NEGR1: variants seen among roughly 807,000 people sequenced by gnomAD.
NEGR1 encodes neuronal growth regulator 1.
Under a neutral mutation model 40.9 loss-of-function variants are expected in NEGR1, and 10 were observed. The observed-to-expected ratio is 0.24, with a 90% CI of 0.15 to 0.42. The LOEUF (loss-of-function observed/expected upper bound fraction) is 0.42, where lower values mean the gene tolerates loss of function less well. Among genes scored for constraint, NEGR1 ranks in the 10% least tolerant of loss-of-function variants. NEGR1 has a pLI of 1.00. For synonymous variants in NEGR1, 185 were observed against 166.8 expected, an observed-to-expected ratio of 1.11 and a Z score of -0.84; for missense variants, 352 against 438.9, an observed-to-expected ratio of 0.80 and a Z score of 1.77.
intron 4 of NEGR1, among the ~76,000 whole-genome samples, chr1:71,633,210 A>G (rs1478186419): frequency 6.6e-6 from 1 of 152,066 alleles, no homozygotes; most frequent in African/African-American, 2.4e-5. Context: ...TGAGCTACAC[A>G]CATTCATAAC....
At chr1:71,730,911 TG>T in intron 3 of NEGR1, among the ~76,000 whole-genome samples, 1 of 150,850 alleles carries the variant, frequency 6.6e-6, no homozygotes, top group East Asian at 1.9e-4. Flanking sequence ...TGTGTGTGTG[TG>T]TGTGTGTGTG....
At chr1:71,909,621 T>C (rs1226277229) in intron 2 of NEGR1, among the ~76,000 whole-genome samples, 1 of 152,162 alleles carries the variant, frequency 6.6e-6, no homozygotes, top group African/African-American at 2.4e-5. Flanking sequence ...GAGTAATGAA[T>C]TGTCAGTTTT....
chr1:71,481,691 C>A (rs1467504493), intron 6 of NEGR1, among the ~76,000 whole-genome samples: 3 of 151,848 alleles, frequency 2.0e-5, no homozygotes, highest in Non-Finnish European at 2.9e-5. Flanking sequence ...TTTTTGTTAA[C>A]AGATGATATA....
At chr1:71,708,370 T>A (rs1653973129) in intron 3 of NEGR1, among the ~76,000 whole-genome samples, 3 of 151,862 alleles carry the variant, frequency 2.0e-5, no homozygotes, top group Admixed American at 6.6e-5. Flanking sequence ...TTTGGCATAC[T>A]GAAAAATACA....
At chr1:71,806,080 T>C (rs1447595890) in intron 2 of NEGR1, among the ~76,000 whole-genome samples, 1 of 152,072 alleles carries the variant, frequency 6.6e-6, no homozygotes, top group African/African-American at 2.4e-5. Context: ...GGGCAATAAA[T>C]ACAAAAATAC....
intron 1 of NEGR1, among the ~76,000 whole-genome samples, chr1:72,181,116 A>T (rs1312813232): frequency 1.3e-5 from 2 of 152,110 alleles, no homozygotes; most frequent in Non-Finnish European, 2.9e-5. Context: ...ATTGGCCTTT[A>T]AGGTTTTAGA....
intron 1 of NEGR1, among the ~76,000 whole-genome samples, chr1:72,185,298 T>C (rs1338601037): frequency 6.6e-6 from 1 of 151,986 alleles, no homozygotes; most frequent in Non-Finnish European, 1.5e-5. Context: ...GCAGTCTTTC[T>C]GTTAGTTATA....
intron 2 of NEGR1, among the ~76,000 whole-genome samples, chr1:71,825,478 T>C (rs972506706): frequency 1.3e-5 from 2 of 151,964 alleles, no homozygotes; most frequent in African/African-American, 4.8e-5. Flanking sequence ...CACTGGATTA[T>C]GCTCCAGGTA....
At chr1:72,127,785 A>C (rs1400637299) in intron 1 of NEGR1, among the ~76,000 whole-genome samples, 1 of 152,170 alleles carries the variant, frequency 6.6e-6, no homozygotes, top group Non-Finnish European at 1.5e-5. Flanking sequence ...AATGGTTCTA[A>C]TTCTAAAAGG....
intron 1 of NEGR1, among the ~76,000 whole-genome samples, chr1:72,012,836 T>C (rs1212749487): frequency 2.2e-5 from 3 of 133,484 alleles, no homozygotes; most frequent in African/African-American, 5.3e-5. Flanking sequence ...CACACATATA[T>C]ACATACATAT....
intron 6 of NEGR1, among the ~76,000 whole-genome samples, chr1:71,505,232 A>T (rs1424654776): frequency 6.6e-6 from 1 of 152,178 alleles, no homozygotes; most frequent in Non-Finnish European, 1.5e-5. Context: ...CTATAGATCA[A>T]ATTGTTCAGA....
At chr1:71,713,465 A>G (rs1034077733) in intron 3 of NEGR1, among the ~76,000 whole-genome samples, 3 of 152,212 alleles carry the variant, frequency 2.0e-5, no homozygotes, top group African/African-American at 7.2e-5. Context: ...CCATCAAAGG[A>G]GTGTTTTGAG....
intron 3 of NEGR1, 41 bp downstream of exon 3, chr1:71,776,131 A>T (rs1656498834): frequency 6.6e-7 from 1 of 1,504,682 alleles, no homozygotes; most frequent in East Asian, 2.4e-5. Flanking sequence ...TACAGGAGAA[A>T]AATGAACAGC....
intron 3 of NEGR1, among the ~76,000 whole-genome samples, chr1:71,741,390 G>C (rs1314326943): frequency 6.6e-6 from 1 of 152,146 alleles, no homozygotes; most frequent in African/African-American, 2.4e-5. Context: ...CTTAATTCAT[G>C]TGATATGTGT....
chr1:72,084,212 T>C (rs996988370), intron 1 of NEGR1, among the ~76,000 whole-genome samples: 2 of 152,184 alleles, frequency 1.3e-5, no homozygotes, highest in Non-Finnish European at 2.9e-5. Flanking sequence ...TTTTCAGCTA[T>C]GGGGTGTGGA....
At chr1:71,469,984 A>G (rs1646771307) in intron 6 of NEGR1, among the ~76,000 whole-genome samples, 1 of 152,120 alleles carries the variant, frequency 6.6e-6, no homozygotes, top group Admixed American at 6.6e-5. Context: ...ACTGAAAAGT[A>G]AAGTCTTTTT....
chr1:72,267,420 G>C (rs1466376997), intron 1 of NEGR1, among the ~76,000 whole-genome samples: 1 of 139,032 alleles, frequency 7.2e-6, no homozygotes, highest in African/African-American at 3.3e-5. Context: ...TTTCATTTTA[G>C]GGATTTCCCC....
At chr1:71,913,579 G>A (rs1183188871) in intron 2 of NEGR1, among the ~76,000 whole-genome samples, 4 of 152,182 alleles carry the variant, frequency 2.6e-5, no homozygotes, top group Non-Finnish European at 5.9e-5. Flanking sequence ...TGAAGGATGA[G>A]GAAATATGTT....
At chr1:72,061,449 T>A (rs1021943849) in intron 1 of NEGR1, among the ~76,000 whole-genome samples, 1 of 151,786 alleles carries the variant, frequency 6.6e-6, no homozygotes, top group Non-Finnish European at 1.5e-5. Context: ...ACAGAATCAT[T>A]ACATTTTCTG....
Sources: gnomAD v4.1 joint callset for allele counts (sites outside exome capture counted in the v4.1 genomes callset) on GRCh38, gnomAD v4.1.1 for gene constraint, MANE v1.5 for transcripts, NCBI Gene and HGNC (gene_info 2026-07-23, HGNC 2026-07-21) for gene names.